KALRN: variants seen among roughly 807,000 people sequenced by gnomAD.
KALRN encodes the protein kalirin.
KALRN carries 70 observed loss-of-function variants against 353.7 expected under a neutral mutation model. The ratio of observed to expected loss-of-function variants is 0.20; its 90% CI spans 0.16 to 0.24. KALRN has a LOEUF of 0.24. Among genes scored for constraint, KALRN ranks in the 10% least tolerant of loss-of-function variants. The probability of loss-of-function intolerance (pLI) is 1.00; values close to 1 mark genes in which losing one functional copy is unlikely to be tolerated. For missense variants in KALRN, 2,791 were observed against 3,756.7 expected, an observed-to-expected ratio of 0.74 and a Z score of 6.72; for synonymous variants, 1,391 against 1,434.8, an observed-to-expected ratio of 0.97 and a Z score of 0.69.
chr3:124,414,358 C>T lies in KALRN; in HGVS notation c.2542+693C>T, dbSNP rs552766478. On this transcript the variant is annotated intron_variant, in intron 14 of 59. Transcript: ENST00000682506. ...CTGCTCCCGATCCCTGCTGCCAGCA[C>T]GCATTCTCCAGCCCTATCCTCTACT... 1.2e-4 allele frequency among the ~76,000 whole-genome samples: 18 copies of T among 152,296 alleles called. No individual in the cohort carries two copies. The South Asian group carries it at 1.5e-3, about 12-fold the overall frequency.
At chr3:124,705,430 A>T (rs1444870505) in intron 57 of KALRN, among the ~76,000 whole-genome samples, 1 of 152,216 alleles carries the variant, frequency 6.6e-6, no homozygotes, top group Non-Finnish European at 1.5e-5. Context: ...AAAGAATGAT[A>T]AATGACCTTC....
chr3:124,068,975 G>T (rs2042606491), intron 1 of KALRN, among the ~76,000 whole-genome samples: 1 of 152,164 alleles, frequency 6.6e-6, no homozygotes, highest in African/African-American at 2.4e-5. Flanking sequence ...TGTAAAGTGG[G>T]TGTCTGACCT....
At chr3:124,108,673 C>T (rs2062550111) in intron 1 of KALRN, among the ~76,000 whole-genome samples, 1 of 152,276 alleles carries the variant, frequency 6.6e-6, no homozygotes, top group South Asian at 2.1e-4. Context: ...CCTTCATCAG[C>T]CTGGGACTGT....
At chr3:124,389,190 G>A (rs2088937408) in intron 11 of KALRN, among the ~76,000 whole-genome samples, 1 of 151,868 alleles carries the variant, frequency 6.6e-6, no homozygotes, top group African/African-American at 2.4e-5. Flanking sequence ...CAGAGTTTTT[G>A]CCTTGGTGCC....
In KALRN at chr3:124,185,312, A is replaced by G. The variant is rs575525319; in HGVS notation, c.74-42678A>G. Among the ~76,000 whole-genome samples the G allele has an allele frequency of 3.3e-4, 50 of 152,308 alleles. 1 individual carries two copies. The highest frequency in any genetic ancestry group is 1.2e-3 in the African/African-American group (48 of 41,562). ...ATTACAGGCGTGAGCCACTGCACCT[A>G]ACCTCTAACAAATGCAACAAGCTAC... On this transcript the variant is annotated intron_variant, in intron 1 of 59. Transcript: ENST00000682506.
chr3:124,666,624 G>C lies in KALRN; in HGVS notation c.6521G>C (p.Arg2174Thr), dbSNP rs377746113. ...GSLTPGYMFK[R>T]SIKMNYLVLE... ...CTCACCCCTGGCTACATGTTCAAAA[G>C]GAGCATCAAGGTGAGGATCCCAATG... Residue 2174 changes from arginine (R) to threonine (T), a missense_variant, in exon 46 of 60, where the codon AGG becomes ACG. This residue lies in a region of KALRN where 1,065 missense variants were observed against 1,156.4 expected (regional missense o/e 0.92). Transcript: ENST00000682506. The C allele has an allele frequency of 2.1e-4, 339 of 1,613,902 alleles. 2 individuals carry two copies. The Middle Eastern group carries it at 3.3e-3, about 16-fold the overall frequency.
At chr3:124,155,254 C>T (rs1261775448) in intron 1 of KALRN, among the ~76,000 whole-genome samples, 3 of 152,172 alleles carry the variant, frequency 2.0e-5, no homozygotes, top group Non-Finnish European at 2.9e-5. Flanking sequence ...CTCTTCTGCA[C>T]CCTCCATGGT....
intron 1 of KALRN, among the ~76,000 whole-genome samples, chr3:124,048,785 C>T (rs924426186): frequency 6.6e-6 from 1 of 152,200 alleles, no homozygotes; most frequent in African/African-American, 2.4e-5. Context: ...ACCCGGCCAC[C>T]TCATTTGTTT....
intron 5 of KALRN, among the ~76,000 whole-genome samples, chr3:124,291,733 T>C (rs573092667): frequency 1.1e-4 from 16 of 152,314 alleles, no homozygotes; most frequent in African/African-American, 3.8e-4. Context: ...TTACTGAGGA[T>C]ACAGTGAAAG....
At chr3:124,602,753 A>G (rs898733219) in intron 34 of KALRN, among the ~76,000 whole-genome samples, 20 of 152,218 alleles carry the variant, frequency 1.3e-4, no homozygotes, top group Non-Finnish European at 1.5e-5. Context: ...CATGGTAACG[A>G]TGAACAGGTG....
At chr3:124,484,853 C>T (rs964891818) in intron 28 of KALRN, among the ~76,000 whole-genome samples, 1 of 152,194 alleles carries the variant, frequency 6.6e-6, no homozygotes, top group Non-Finnish European at 1.5e-5. Context: ...CCTGTAATCC[C>T]AGCACTTTGG....
intron 10 of KALRN, among the ~76,000 whole-genome samples, chr3:124,381,531 G>A (rs1189958203): frequency 1.3e-5 from 2 of 152,168 alleles, no homozygotes; most frequent in Non-Finnish European, 2.9e-5. Context: ...GAGCTGGGCA[G>A]AGACAAAGCT....
rs534189513 is a variant in KALRN, at chr3:124,387,942, A to T, written c.1962+2906A>T. ...CTTCCCATCCAAACCAGTCTGTATG[A>T]GGTCCCCTTTAAGTGATTTGCTAGG... is the stretch of plus-strand genomic sequence containing the variant. On this transcript the variant is annotated intron_variant, in intron 11 of 59. Coordinates refer to ENST00000682506, the MANE Select transcript of KALRN (RefSeq NM_001388419.1). Among the ~76,000 whole-genome samples the T allele has an allele frequency of 2.0e-5, 3 of 152,168 alleles. No homozygotes were observed. In the East Asian group the frequency reaches 5.8e-4, roughly 29 times the overall value.
intron 1 of KALRN, among the ~76,000 whole-genome samples, chr3:124,067,253 C>T (rs567293557): frequency 6.6e-6 from 1 of 152,288 alleles, no homozygotes; most frequent in Non-Finnish European, 1.5e-5. Context: ...GATATTAGCA[C>T]TTATCCTGTC....
At chr3:124,261,223 C>T (rs761712599) in intron 3 of KALRN, among the ~76,000 whole-genome samples, 4 of 152,074 alleles carry the variant, frequency 2.6e-5, no homozygotes, top group Non-Finnish European at 4.4e-5. Context: ...TTTGAATTTT[C>T]GCTTAGCCAC....
chr3:124,539,409 G>A (rs557807007), intron 33 of KALRN, among the ~76,000 whole-genome samples: 3 of 152,178 alleles, frequency 2.0e-5, no homozygotes, highest in South Asian at 4.2e-4. Context: ...TTAAAACATC[G>A]ACCATTGTTC....
At position 124,395,203 on chromosome 3, in the gene KALRN, A is replaced by C. The variant is rs200924720; in HGVS notation, c.2031A>C (p.Ala677=). 6 of 1,613,376 alleles carry C rather than the reference A, an allele frequency of 3.7e-6. No individual in the cohort carries two copies. The highest frequency in any genetic ancestry group is 5.1e-6 in the Non-Finnish European group (6 of 1,179,930). ...ATGTCTGTGCAGATTCTGTGGATGC[A>C]GTCCAGGAACTGATCAAGCAGTTCC... The part of the protein sequence containing the change: ...LEDVCADSVD[A]VQELIKQFQQ... Residue 677 remains alanine (A), a synonymous_variant, in exon 12 of 60, where the codon GCA becomes GCC. Coordinates refer to ENST00000682506, the MANE Select transcript of KALRN (RefSeq NM_001388419.1).
intron 3 of KALRN, among the ~76,000 whole-genome samples, chr3:124,235,509 G>A (rs1019561902): frequency 6.6e-5 from 3 of 45,718 alleles, no homozygotes; most frequent in East Asian, 8.0e-4. Flanking sequence ...TAGTTGAGAC[G>A]GAAGAGAAGA....
intron 33 of KALRN, among the ~76,000 whole-genome samples, chr3:124,546,289 T>C (rs1381831067): frequency 2.1e-5 from 1 of 48,566 alleles, no homozygotes; most frequent in African/African-American, 1.5e-4. Context: ...CCCCCATCTC[T>C]CAAAAAAAAA....
Sources: gnomAD v4.1 joint callset for allele counts (sites outside exome capture counted in the v4.1 genomes callset) on GRCh38, gnomAD v4.1.1 for gene constraint, gnomAD v4.1.1 regional missense constraint, MANE v1.5 for transcripts, NCBI Gene and HGNC (gene_info 2026-07-23, HGNC 2026-07-21) for gene names.